The following UVSSA variants were observed in gnomAD, a reference collection of about 807,000 sequenced individuals.
UVSSA encodes the protein UV-stimulated scaffold protein A.
Under a neutral mutation model 73.9 loss-of-function variants are expected in UVSSA, and 72 were observed. That is an observed-to-expected ratio of 0.97 (90% CI 0.81 to 1.19). UVSSA has a LOEUF of 1.19. Ranked by LOEUF, UVSSA falls within the 50% of genes most tolerant of loss-of-function variation. UVSSA has a pLI of 0.00. For synonymous variants in UVSSA, 454 were observed against 391.3 expected, an observed-to-expected ratio of 1.16 and a Z score of -1.89; for missense variants, 1,150 against 965.0, an observed-to-expected ratio of 1.19 and a Z score of -2.54.
At chr4:1,394,531 G>A in exon 14 of UVSSA, 1 of 1,614,082 alleles carries the variant, frequency 6.2e-7, no homozygotes, top group Non-Finnish European at 8.5e-7. Context: ...CCCTCGCTTT[G>A]TGCCAATGTG....
chr4:1,361,073 C>T (rs577245707), intron 7 of UVSSA, among the ~76,000 whole-genome samples: 4 of 152,234 alleles, frequency 2.6e-5, no homozygotes, highest in Non-Finnish European at 4.4e-5. Flanking sequence ...CGCATCTGGT[C>T]GACAGATGTG....
chr4:1,395,875 G>T (rs1720541039), exon 14 of UVSSA: 1 of 1,604,324 alleles, frequency 6.2e-7, no homozygotes, highest in Admixed American at 1.7e-5. Flanking sequence ...TGAGATGGAA[G>T]AGGAGAGGGT....
chr4:1,394,326 A>T, exon 14 of UVSSA: 1 of 1,063,970 alleles, frequency 9.4e-7, no homozygotes, highest in Non-Finnish European at 1.3e-6. Flanking sequence ...TTTGTGTTCT[A>T]CTTAGAATGC....
upstream of UVSSA, among the ~76,000 whole-genome samples, chr4:1,342,359 G>A (rs191185424): frequency 2.0e-5 from 3 of 152,192 alleles, no homozygotes; most frequent in East Asian, 1.9e-4. Flanking sequence ...GACCTGATGC[G>A]CTGATTGTAA....
exon 14 of UVSSA, chr4:1,395,655 G>A (rs569514802): frequency 6.2e-7 from 1 of 1,604,174 alleles, no homozygotes; most frequent in Non-Finnish European, 8.5e-7. Flanking sequence ...CCCATGTGGA[G>A]TGCCTGCCTG....
chr4:1,371,137 T>C (rs1035742065), intron 8 of UVSSA, among the ~76,000 whole-genome samples: 1 of 152,182 alleles, frequency 6.6e-6, no homozygotes, highest in Admixed American at 6.5e-5. Context: ...ACAGCATGCC[T>C]GTAAGTACTT....
intron 5 of UVSSA, among the ~76,000 whole-genome samples, chr4:1,353,798 C>G (rs926143214): frequency 6.6e-6 from 1 of 152,180 alleles, no homozygotes; most frequent in Admixed American, 6.5e-5. Context: ...ATCCCGTCAG[C>G]TCACAGGCCT....
intron 2 of UVSSA, among the ~76,000 whole-genome samples, chr4:1,348,984 T>G (rs1340776821): frequency 4.0e-5 from 6 of 150,760 alleles, no homozygotes; most frequent in Non-Finnish European, 5.9e-5. Flanking sequence ...CGGTGTGTGT[T>G]TGTGCCGGGC....
At chr4:1,379,903 A>T in intron 10 of UVSSA, 144 bp from the exon 11 acceptor site, 1 of 772,728 alleles carries the variant, frequency 1.3e-6, no homozygotes, top group Non-Finnish European at 1.8e-6. Flanking sequence ...GCCGGGAGTG[A>T]CCGTGTTCTC....
chr4:1,366,593 C>T (rs1429861393), intron 8 of UVSSA, among the ~76,000 whole-genome samples, 162 bp downstream of exon 8: 2 of 152,180 alleles, frequency 1.3e-5, no homozygotes, highest in Non-Finnish European at 1.5e-5. Context: ...GTCGTAGCCA[C>T]GAGGCCGAGA....
chr4:1,379,799 C>CTTTTGCCTGGGT (rs1560481645), intron 10 of UVSSA, among the ~76,000 whole-genome samples: 2 of 38,126 alleles, frequency 5.2e-5, no homozygotes, highest in Admixed American at 3.1e-4. Flanking sequence ...TGCCCGTGGT[C>CTTTTGCCTGGGT]GCGCGGCTGG....
At chr4:1,381,135 A>C in intron 12 of UVSSA, 147 bp downstream of exon 12, 1 of 758,804 alleles carries the variant, frequency 1.3e-6, no homozygotes, top group Non-Finnish European at 2.1e-6. Flanking sequence ...TAACTGGCAG[A>C]ATCAGGAGGG....
chr4:1,381,067 G>A, intron 12 of UVSSA, 79 bp downstream of exon 12: 24 of 1,334,332 alleles, frequency 1.8e-5, no homozygotes, highest in Non-Finnish European at 2.5e-5. Flanking sequence ...TGTGTCTGCA[G>A]AGTCACAGAG....
At chr4:1,378,712 G>A (rs1719073063) in intron 10 of UVSSA, among the ~76,000 whole-genome samples, 1 of 152,226 alleles carries the variant, frequency 6.6e-6, no homozygotes, top group African/African-American at 2.4e-5. Context: ...AGTTCCGGGT[G>A]GCAGAATGCA....
At chr4:1,383,963 C>T in intron 13 of UVSSA, 23 bp downstream of exon 13, 1 of 1,599,178 alleles carries the variant, frequency 6.3e-7, no homozygotes, top group South Asian at 1.1e-5. Context: ...GCTGGGTCAC[C>T]TCCCACCGCG....
chr4:1,366,005 C>T (rs113656975), intron 7 of UVSSA: 2,485 of 205,908 alleles, frequency 0.012, 65 homozygotes, highest in African/African-American at 0.053. Context: ...GCCCTCGCAC[C>T]GGTGTGACGC....
At chr4:1,373,785 C>T (rs1052623663) in intron 8 of UVSSA, among the ~76,000 whole-genome samples, 2 of 152,200 alleles carry the variant, frequency 1.3e-5, no homozygotes, top group African/African-American at 2.4e-5. Context: ...GAGGGTGTTC[C>T]GTGCTTCCTC....
intron 13 of UVSSA, 30 bp downstream of exon 13, chr4:1,383,970 C>T (rs374650368): frequency 2.0e-5 from 32 of 1,592,930 alleles, no homozygotes; most frequent in Middle Eastern, 3.7e-4. Context: ...CACCTCCCAC[C>T]GCGTGGCCCC....
At position 1,380,184 on chromosome 4, in the gene UVSSA, C is replaced by A. The variant is rs1170525311; in HGVS notation, c.1706C>A (p.Ala569Asp). 2 of 1,612,956 alleles carry A rather than the reference C, an allele frequency of 1.2e-6. No individual in the cohort carries two copies. Among genetic ancestry groups the A allele is most frequent in the Admixed American group, 3.3e-5 (2 of 60,022 alleles). The change falls in exon 11 of 14, where the codon GCC becomes GAC. Residue 569 changes from alanine to aspartate, a missense_variant. Physicochemically the swap from Ala to Asp is moderately radical, Grantham distance 126. Transcript: ENST00000389851. ...KFEPVQHWCR[A>D]PRPDGRLCER... The stretch of plus-strand genomic sequence containing the variant: ...GAGCCTGTGCAGCACTGGTGCCGTG[C>A]CCCGAGGCCAGACGGCCGGCTCTGT...
Sources: gnomAD v4.1 joint callset for allele counts (sites outside exome capture counted in the v4.1 genomes callset) on GRCh38, gnomAD v4.1.1 for gene constraint, MANE v1.5 for transcripts, NCBI Gene and HGNC (gene_info 2026-07-23, HGNC 2026-07-21) for gene names.